DISP1: variants seen among roughly 807,000 people sequenced by gnomAD.
DISP1 encodes dispatched RND transporter family member 1.
In DISP1, 30 loss-of-function variants were observed where a neutral mutation model predicts 37.3. The observed-to-expected ratio is 0.80, with a 90% CI of 0.60 to 1.09. The LOEUF is 1.09. Among genes scored for constraint, DISP1 ranks in the 50% least tolerant of loss-of-function variants. The pLI is 0.00. For missense variants in DISP1, 1,598 were observed against 1,879.5 expected (o/e 0.85, Z 2.77); for synonymous variants, 634 against 690.2 (o/e 0.92, Z 1.28).
intron 1 of DISP1, among the ~76,000 whole-genome samples, chr1:222,852,063 A>T (rs941828828): frequency 6.6e-6 from 1 of 152,072 alleles, no homozygotes; most frequent in African/African-American, 2.4e-5. Flanking sequence ...GCATGCCTGT[A>T]ATCCCAGCTA....
intron 1 of DISP1, among the ~76,000 whole-genome samples, chr1:222,896,328 C>T (rs745458668): frequency 2.2e-4 from 34 of 151,304 alleles, no homozygotes; most frequent in Non-Finnish European, 3.4e-4. Flanking sequence ...AGGCTGGGCG[C>T]GGTGGCTCAT....
chr1:222,985,307 T>A (rs990080962), intron 4 of DISP1, among the ~76,000 whole-genome samples: 2 of 152,338 alleles, frequency 1.3e-5, no homozygotes, highest in Non-Finnish European at 2.9e-5. Context: ...CTGGAACTTA[T>A]TGCTTCCCTT....
intron 1 of DISP1, among the ~76,000 whole-genome samples, chr1:222,847,740 G>T (rs1025092514): frequency 1.8e-4 from 28 of 152,016 alleles, no homozygotes; most frequent in African/African-American, 6.5e-4. Context: ...CAACCCAGGG[G>T]GAAGGGAGAA....
chr1:222,875,269 C>T (rs867041809), intron 1 of DISP1, among the ~76,000 whole-genome samples: 2 of 151,032 alleles, frequency 1.3e-5, no homozygotes, highest in African/African-American at 2.4e-5. Context: ...GCCCAAACCA[C>T]GCCACTGTAC....
At chr1:222,969,292 T>C (rs1386458404) in intron 3 of DISP1, among the ~76,000 whole-genome samples, 1 of 136,988 alleles carries the variant, frequency 7.3e-6, no homozygotes, top group Non-Finnish European at 1.5e-5. Context: ...ATCACTTGAG[T>C]CTAGGAGGTA....
At chr1:222,870,699 C>T (rs1267888034) in intron 1 of DISP1, among the ~76,000 whole-genome samples, 3 of 152,052 alleles carry the variant, frequency 2.0e-5, no homozygotes, top group Non-Finnish European at 4.4e-5. Context: ...AGCCCTTTGT[C>T]CGATGAGTAG....
At chr1:222,894,674 G>A (rs534859975) in intron 1 of DISP1, among the ~76,000 whole-genome samples, 4 of 152,130 alleles carry the variant, frequency 2.6e-5, no homozygotes, top group Admixed American at 6.5e-5. Context: ...CTGTAGCTGC[G>A]CCTGGGAGCA....
intron 1 of DISP1, among the ~76,000 whole-genome samples, chr1:222,867,100 G>A (rs1669236259): frequency 6.6e-6 from 1 of 152,136 alleles, no homozygotes; most frequent in Admixed American, 6.5e-5. Flanking sequence ...TTGGTAAAAA[G>A]CTATTGAATG....
rs1679617970 is a variant in DISP1 at position 223,003,301 on chromosome 1, T to C, written c.1904T>C (p.Val635Ala). 1 of 1,614,068 alleles carries C rather than the reference T, an allele frequency of 6.2e-7. No individual in the cohort carries two copies. The highest frequency in any genetic ancestry group is 1.3e-5 in the African/African-American group (1 of 74,914). The change falls in exon 9 of 9, where the codon GTT (valine) becomes GCT (alanine). Residue 635 changes from valine (V) to alanine (A), a missense_variant. By Grantham distance (64) the Val-to-Ala change is moderately conservative. Coordinates refer to ENST00000675850, the MANE Select transcript of DISP1 (RefSeq NM_001377229.1). This position sits in a 1 kb window ranked among gnomAD's most constrained non-coding sequence, Gnocchi z 4.3. ...SNITAIRCFGVYAGTAILVNY... is the reference protein window; with the variant it reads ...SNITAIRCFGAYAGTAILVNY... ...ATTACAGCAATCCGATGCTTTGGGG[T>C]TTATGCGGGGACAGCTATATTGGTG...
At chr1:222,815,683 G>A (rs73126893) in intron 1 of DISP1, among the ~76,000 whole-genome samples, 3,393 of 152,250 alleles carry the variant, frequency 0.022, 158 homozygotes, top group African/African-American at 0.077. Flanking sequence ...CCTAGGGACC[G>A]CTCGAATTCT....
chr1:222,982,230 A>T (rs1442991400), intron 3 of DISP1, among the ~76,000 whole-genome samples: 3 of 152,222 alleles, frequency 2.0e-5, no homozygotes, highest in Non-Finnish European at 4.4e-5. Context: ...TGGTTGAAAT[A>T]TATGAAGTAT....
At chr1:222,858,293 T>C (rs1668663330) in intron 1 of DISP1, among the ~76,000 whole-genome samples, 1 of 152,280 alleles carries the variant, frequency 6.6e-6, no homozygotes, top group South Asian at 2.1e-4. Context: ...AAATTGAAAG[T>C]GGACCCCTTC....
At chr1:222,943,421 A>G in intron 3 of DISP1, 89 bp downstream of exon 3, 2 of 1,555,486 alleles carry the variant, frequency 1.3e-6, no homozygotes, top group African/African-American at 2.7e-5. Flanking sequence ...AGGAGAGGAG[A>G]AAAATGAGGC....
intron 1 of DISP1, among the ~76,000 whole-genome samples, chr1:222,821,902 G>T (rs1663035776): frequency 2.2e-5 from 3 of 138,270 alleles, no homozygotes; most frequent in South Asian, 2.3e-4. Flanking sequence ...AAAAAAAAAA[G>T]TGGCAGTTTT....
At chr1:222,965,979 G>C (rs533538316) in intron 3 of DISP1, among the ~76,000 whole-genome samples, 1 of 152,230 alleles carries the variant, frequency 6.6e-6, no homozygotes, top group East Asian at 1.9e-4. Context: ...GCTGCAGTGA[G>C]CCATGAATGA....
intron 1 of DISP1, among the ~76,000 whole-genome samples, chr1:222,907,458 C>A (rs527462078): frequency 3.9e-5 from 6 of 152,128 alleles, no homozygotes; most frequent in Admixed American, 3.9e-4. Flanking sequence ...GGGAATTTCC[C>A]GGTGAGGAGT....
intron 1 of DISP1, among the ~76,000 whole-genome samples, chr1:222,844,489 C>A (rs1293403506): frequency 6.6e-6 from 1 of 152,088 alleles, no homozygotes; most frequent in African/African-American, 2.4e-5. Context: ...TCCAGCCTTT[C>A]CTTTTAAGAA....
At chr1:222,837,820 T>G (rs1295990899) in intron 1 of DISP1, among the ~76,000 whole-genome samples, 1 of 152,146 alleles carries the variant, frequency 6.6e-6, no homozygotes, top group Non-Finnish European at 1.5e-5. Flanking sequence ...ACCATAAAAT[T>G]TATGAAGAGC....
chr1:222,969,113 G>A (rs1307460077), intron 3 of DISP1, among the ~76,000 whole-genome samples: 4 of 151,812 alleles, frequency 2.6e-5, no homozygotes, highest in South Asian at 4.2e-4. Context: ...GCTCACGCCT[G>A]TAATCCCAGC....
Sources: allele counts gnomAD v4.1 joint callset (sites outside exome capture counted in the v4.1 genomes callset), GRCh38; gene constraint gnomAD v4.1.1; non-coding constraint Gnocchi (gnomAD v3.1); transcripts MANE v1.5; gene names NCBI Gene and HGNC (gene_info 2026-07-23, HGNC 2026-07-21).